The following MAST4 variants were observed in gnomAD, a reference collection of about 807,000 sequenced individuals.
MAST4 encodes the protein microtubule-associated serine/threonine-protein kinase 4.
Under a neutral mutation model 162.7 loss-of-function variants are expected in MAST4, and 89 were observed. That is an observed-to-expected ratio of 0.55 (90% CI 0.46 to 0.65). MAST4 has a LOEUF of 0.65. MAST4 is among the 30% of genes least tolerant of loss of function. The probability of loss-of-function intolerance (pLI) is 0.00; values close to 1 mark genes in which losing one functional copy is unlikely to be tolerated. For synonymous variants in MAST4, 1,479 were observed against 1,361.1 expected (o/e 1.09, Z -1.91); for missense variants, 3,153 against 3,374.0 (o/e 0.93, Z 1.62).
At chr5:67,047,341 ACTCTTCCCTGGCT>A (rs1226624178) in intron 4 of MAST4, among the ~76,000 whole-genome samples, 1 of 151,552 alleles carries the variant, frequency 6.6e-6, no homozygotes, top group African/African-American at 2.4e-5. Context: ...CTCTGCTGGC[ACTCTTCCCTGGCT>A]CTCTGCACGC....
chr5:66,987,352 C>T (rs1243423136), intron 4 of MAST4, among the ~76,000 whole-genome samples: 1 of 152,106 alleles, frequency 6.6e-6, no homozygotes, highest in African/African-American at 2.4e-5. Flanking sequence ...TTTTGAAAAT[C>T]AGAAGTTTTC....
chr5:66,901,821 G>GACA (rs201671326), intron 4 of MAST4, among the ~76,000 whole-genome samples: 2,400 of 152,178 alleles, frequency 0.016, 58 homozygotes, highest in African/African-American at 0.055. Context: ...GCCTCATATA[G>GACA]CTGTGCTAGA....
At chr5:66,720,174 A>AC (rs1455430484) in intron 1 of MAST4, among the ~76,000 whole-genome samples, 1 of 60,478 alleles carries the variant, frequency 1.7e-5, no homozygotes, top group East Asian at 8.3e-4. Flanking sequence ...CAGGAATGAT[A>AC]ATTTTTTTAA....
At chr5:67,140,008 G>T (rs1770162856) in intron 19 of MAST4, among the ~76,000 whole-genome samples, 1 of 152,224 alleles carries the variant, frequency 6.6e-6, no homozygotes, top group African/African-American at 2.4e-5. Flanking sequence ...GGTCCCAGAG[G>T]ATAGCAGGCA....
chr5:67,139,805 G>A (rs762442633), intron 19 of MAST4, among the ~76,000 whole-genome samples: 13 of 152,106 alleles, frequency 8.5e-5, no homozygotes, highest in Non-Finnish European at 1.9e-4. Flanking sequence ...CCCCCAATTT[G>A]TCCCTTTCTT....
chr5:67,016,120 GGT>G (rs1472634316), intron 4 of MAST4, among the ~76,000 whole-genome samples: 10 of 152,130 alleles, frequency 6.6e-5, no homozygotes, highest in African/African-American at 2.4e-4. Context: ...TGCGGTAACT[GGT>G]AGATCTGCCA....
rs115664701 is a variant in MAST4 at position 66,833,459 on chromosome 5, C to T, written c.642+44665C>T. Among the ~76,000 whole-genome samples the T allele has an allele frequency of 3.1e-3, 476 of 152,248 alleles. 2 individuals are homozygous for T. The highest frequency in any genetic ancestry group is 0.011 in the African/African-American group (452 of 41,532). ...ATCACTGCCCTGGTGTAAGATCCTC[C>T]TATGACTTTTCCTGATCTACTCCAG... On this transcript the variant is annotated intron_variant, in intron 3 of 28. Coordinates refer to ENST00000403625, the MANE Select transcript of MAST4 (RefSeq NM_001164664.2).
intron 4 of MAST4, among the ~76,000 whole-genome samples, chr5:66,973,989 C>T (rs1747798076): frequency 6.6e-6 from 1 of 152,128 alleles, no homozygotes; most frequent in Admixed American, 6.5e-5. Flanking sequence ...CACCTCCTCA[C>T]TTTCTGGCAC....
At chr5:67,079,581 G>C (rs1762367847) in intron 5 of MAST4, among the ~76,000 whole-genome samples, 1 of 152,168 alleles carries the variant, frequency 6.6e-6, no homozygotes, top group Non-Finnish European at 1.5e-5. Flanking sequence ...CAGAGGTTGA[G>C]AGAGGTTTTT....
At chr5:67,096,979 T>C (rs145242247) in intron 7 of MAST4, among the ~76,000 whole-genome samples, 113 of 152,304 alleles carry the variant, frequency 7.4e-4, no homozygotes, top group African/African-American at 2.4e-3. Context: ...TTGATTCTTA[T>C]GGCAGTCACT....
intron 11 of MAST4, among the ~76,000 whole-genome samples, chr5:67,112,813 T>C (rs1032566639): frequency 2.6e-5 from 4 of 152,094 alleles, no homozygotes; most frequent in Admixed American, 6.5e-5. Context: ...CCATTGGTGA[T>C]CCACTTAACC....
intron 14 of MAST4, among the ~76,000 whole-genome samples, chr5:67,121,783 C>T (rs1025992525): frequency 1.3e-5 from 2 of 151,838 alleles, no homozygotes; most frequent in African/African-American, 4.8e-5. Context: ...TCACAGGCTG[C>T]GGGTTGGATA....
intron 4 of MAST4, among the ~76,000 whole-genome samples, chr5:67,049,008 C>CATATATATATATACGT (rs1757733008): frequency 1.9e-5 from 2 of 104,524 alleles, no homozygotes; most frequent in Non-Finnish European, 3.9e-5. Flanking sequence ...TATACACACA[C>CATATATATATATACGT]ATATATATAT....
At chr5:66,675,896 T>C (rs1356714168) in intron 1 of MAST4, among the ~76,000 whole-genome samples, 3 of 152,188 alleles carry the variant, frequency 2.0e-5, no homozygotes, top group Non-Finnish European at 4.4e-5. Flanking sequence ...AACATTTTAG[T>C]TGAATGGAAG....
intron 1 of MAST4, among the ~76,000 whole-genome samples, chr5:66,622,514 C>T (rs1444275109): frequency 6.6e-6 from 1 of 150,740 alleles, no homozygotes; most frequent in East Asian, 1.9e-4. Flanking sequence ...AACAGGCTCA[C>T]TGGCTTCTGT....
At chr5:66,733,625 G>A (rs552351549) in intron 1 of MAST4, among the ~76,000 whole-genome samples, 3 of 151,906 alleles carry the variant, frequency 2.0e-5, no homozygotes, top group Non-Finnish European at 2.9e-5. Flanking sequence ...GCCCAGATAA[G>A]TTTTTGTATT....
intron 3 of MAST4, among the ~76,000 whole-genome samples, chr5:66,887,980 G>A (rs989773681): frequency 1.1e-4 from 17 of 151,806 alleles, no homozygotes; most frequent in Admixed American, 4.6e-4. Context: ...AGGCCGAGGC[G>A]GGCAGATCAC....
intron 1 of MAST4, among the ~76,000 whole-genome samples, chr5:66,743,319 C>T (rs1752575192): frequency 6.6e-6 from 1 of 152,168 alleles, no homozygotes. Flanking sequence ...GAGAGGTTGG[C>T]AGGTTAGACC....
At chr5:66,921,429 A>G (rs1764526929) in intron 4 of MAST4, among the ~76,000 whole-genome samples, 1 of 152,174 alleles carries the variant, frequency 6.6e-6, no homozygotes, top group South Asian at 2.1e-4. Context: ...CCCTTATGTG[A>G]CATTGTAAAA....
Sources: allele counts gnomAD v4.1 joint callset (sites outside exome capture counted in the v4.1 genomes callset), GRCh38; gene constraint gnomAD v4.1.1; transcripts MANE v1.5; gene names NCBI Gene and HGNC (gene_info 2026-07-23, HGNC 2026-07-21).